The following GNPTAB variants were observed in gnomAD, a reference collection of about 807,000 sequenced individuals.
GNPTAB encodes the protein N-acetylglucosamine-1-phosphate transferase subunits alpha and beta, also known as N-acetylglucosamine-1-phosphotransferase subunits alpha/beta.
A neutral mutation model predicts 136.6 loss-of-function variants in GNPTAB; 92 were observed. The observed-to-expected ratio is 0.67, with a 90% CI of 0.57 to 0.80. GNPTAB has a LOEUF of 0.80. GNPTAB is among the 30% of genes least tolerant of loss of function. The probability of loss-of-function intolerance (pLI) is 0.00; values close to 1 mark genes in which losing one functional copy is unlikely to be tolerated. For missense variants in GNPTAB, 1,343 were observed against 1,501.8 expected (o/e 0.89, Z 1.75); for synonymous variants, 512 against 535.1 (o/e 0.96, Z 0.60).
At chr12:101,824,437 CT>C (rs757768467) in intron 1 of GNPTAB, among the ~76,000 whole-genome samples, 10,193 of 47,122 alleles carry the variant, frequency 0.22, 757 homozygotes, top group East Asian at 0.43. Flanking sequence ...TATATATTTT[CT>C]TTTTTTTTTT....
At chr12:101,772,428 G>A (rs192047603) in intron 7 of GNPTAB, among the ~76,000 whole-genome samples, 1 of 151,968 alleles carries the variant, frequency 6.6e-6, no homozygotes, top group East Asian at 1.9e-4. Flanking sequence ...GAACACCAGA[G>A]GTGAGAGTTA....
intron 7 of GNPTAB, among the ~76,000 whole-genome samples, chr12:101,775,702 T>G (rs887346389): frequency 1.3e-5 from 2 of 151,336 alleles, no homozygotes; most frequent in East Asian, 1.9e-4. Flanking sequence ...TTTCTAAAAC[T>G]TAATCAGTTT....
intron 7 of GNPTAB, 40 bp from the exon 8 acceptor site, chr12:101,771,197 T>C: frequency 6.4e-7 from 1 of 1,551,842 alleles, no homozygotes; most frequent in Non-Finnish European, 8.9e-7. Context: ...AAAGACTGAA[T>C]CTCAAGGATG....
chr12:101,824,840 C>T (rs117297434), intron 1 of GNPTAB, among the ~76,000 whole-genome samples: 1,687 of 152,192 alleles, frequency 0.011, 19 homozygotes, highest in Non-Finnish European at 0.014. Context: ...TCACTTGCAA[C>T]CTAGTGCTGT....
chr12:101,757,863 G>A (rs896779338), intron 16 of GNPTAB, among the ~76,000 whole-genome samples: 2 of 152,076 alleles, frequency 1.3e-5, no homozygotes, highest in African/African-American at 2.4e-5. Context: ...AGTTTATAAT[G>A]CATTTTTCAC....
At position 101,830,665 on chromosome 12, in the gene GNPTAB, T is replaced by G; in HGVS notation, c.11A>C (p.Lys4Thr). ...GGTATAGGTCTGTCTCTGCAGGAGC[T>G]TGAACAGCATCACCCCTTCACCGCC... MLF[K>T]LLQRQTYTCL... is the part of the protein sequence containing the mutation. Residue 4 changes from lysine (K) to threonine (T), a missense_variant, in exon 1 of 21, where the codon AAG becomes ACG. Physicochemically the swap from Lys to Thr is moderately conservative, Grantham distance 78. Transcript: ENST00000299314. 1 of 1,590,302 alleles carries G rather than the reference T, an allele frequency of 6.3e-7. No individual in the cohort carries two copies. Among genetic ancestry groups the G allele is most frequent in the Non-Finnish European group, 8.6e-7 (1 of 1,159,568 alleles).
chr12:101,798,323 C>T (rs543853097), intron 1 of GNPTAB, among the ~76,000 whole-genome samples: 1 of 152,196 alleles, frequency 6.6e-6, no homozygotes, highest in African/African-American at 2.4e-5. Context: ...ACTCTACATG[C>T]CCTCCTTCCT....
intron 10 of GNPTAB, among the ~76,000 whole-genome samples, chr12:101,769,473 T>C (rs926724170): frequency 4.6e-5 from 7 of 152,210 alleles, no homozygotes; most frequent in African/African-American, 1.7e-4. Context: ...TGGGAAAAAG[T>C]GTGGGTCCTG....
chr12:101,785,212 A>G (rs1401521018), intron 5 of GNPTAB, among the ~76,000 whole-genome samples: 1 of 152,078 alleles, frequency 6.6e-6, no homozygotes, highest in Non-Finnish European at 1.5e-5. Context: ...AGCTCTCTGG[A>G]GTCTCTTTTG....
intron 10 of GNPTAB, among the ~76,000 whole-genome samples, chr12:101,769,638 C>T (rs954409027): frequency 2.6e-5 from 4 of 152,034 alleles, no homozygotes; most frequent in Admixed American, 2.6e-4. Flanking sequence ...CTCTGTCACC[C>T]AAGCTGGGGT....
chr12:101,768,041 G>A lies in GNPTAB; in HGVS notation c.1404C>T (p.Cys468=). 6.2e-7 allele frequency: 1 copy of A among 1,614,030 alleles called. No individual in the cohort carries two copies. Among genetic ancestry groups the A allele is most frequent in the Non-Finnish European group, 8.5e-7 (1 of 1,179,892 alleles). The change falls in exon 11 of 21, where the codon TGC becomes TGT. Residue 468 remains cysteine (C), a synonymous_variant. Coordinates refer to ENST00000299314, the MANE Select transcript of GNPTAB (RefSeq NM_024312.5). ...NSACDWDGGD[C]SGNSGGSRYI... is the part of the protein sequence containing the mutation. ...TACAGTTTAACACATCCTTACCAGA[G>A]CAATCCCCACCATCCCAATCGCAGG...
rs535522542 is a variant in GNPTAB, at chr12:101,778,085, T to G, written c.771+2067A>C. ...TGTTCAATTCAAATTGCTACCCCAC[T>G]CCACCTCGACCTGCTTATACCACAC... On this transcript the variant is annotated intron_variant, in intron 7 of 20. Transcript: ENST00000299314. 2.0e-5 allele frequency among the ~76,000 whole-genome samples: 3 copies of G among 152,240 alleles called. No individual in the cohort carries two copies. The East Asian group carries it at 5.8e-4, about 29-fold the overall frequency.
At chr12:101,764,129 G>C (rs1281603140) in intron 13 of GNPTAB, 73 bp downstream of exon 13, 25 of 1,595,014 alleles carry the variant, frequency 1.6e-5, no homozygotes, top group African/African-American at 2.7e-5. Context: ...ATAAATGGTA[G>C]CTATAATGAT....
intron 19 of GNPTAB, among the ~76,000 whole-genome samples, chr12:101,750,379 T>C (rs1039455023): frequency 2.0e-5 from 3 of 152,158 alleles, no homozygotes; most frequent in South Asian, 2.1e-4. Context: ...CTTCTGTTAA[T>C]AGGATCATAA....
chr12:101,783,997 C>T (rs539589996), intron 5 of GNPTAB, among the ~76,000 whole-genome samples: 2 of 152,042 alleles, frequency 1.3e-5, no homozygotes, highest in East Asian at 1.9e-4. Flanking sequence ...GGATTATAGG[C>T]GTGAGCCACC....
chr12:101,818,715 A>G (rs1368994724), intron 1 of GNPTAB, among the ~76,000 whole-genome samples: 3 of 152,116 alleles, frequency 2.0e-5, no homozygotes, highest in African/African-American at 7.2e-5. Flanking sequence ...CCTGGCTAAT[A>G]TAGTTTGCCT....
intron 7 of GNPTAB, chr12:101,773,503 G>A: frequency 1.2e-5 from 2 of 167,078 alleles, no homozygotes; most frequent in South Asian, 2.5e-4. Context: ...CTCGAAGAAG[G>A]GGTGTGTCTA....
At chr12:101,776,764 A>T (rs934511746) in intron 7 of GNPTAB, among the ~76,000 whole-genome samples, 1 of 152,200 alleles carries the variant, frequency 6.6e-6, no homozygotes, top group African/African-American at 2.4e-5. Context: ...CCAAGTAATC[A>T]CTAAGGGTAA....
chr12:101,772,632 C>T (rs1429591120), intron 7 of GNPTAB, among the ~76,000 whole-genome samples: 4 of 152,132 alleles, frequency 2.6e-5, no homozygotes, highest in Non-Finnish European at 4.4e-5. Flanking sequence ...GAGTCACCAA[C>T]TTGCCTCAGC....
Sources: allele counts gnomAD v4.1 joint callset (sites outside exome capture counted in the v4.1 genomes callset), GRCh38; gene constraint gnomAD v4.1.1; transcripts MANE v1.5; gene names NCBI Gene and HGNC (gene_info 2026-07-23, HGNC 2026-07-21).